OR6N1: variants seen among roughly 807,000 people sequenced by gnomAD.
OR6N1 encodes the protein olfactory receptor family 6 subfamily N member 1, also known as olfactory receptor 6N1.
For synonymous variants in OR6N1, 170 were observed against 150.7 expected (o/e 1.13, Z -0.94); for missense variants, 394 against 371.7 (o/e 1.06, Z -0.49).
At chr1:158,791,939 T>A in the OR6N1 span, among the ~76,000 whole-genome samples, 1 of 152,154 alleles carries the variant, frequency 6.6e-6, no homozygotes, top group Non-Finnish European at 1.5e-5. Flanking sequence ...TTAAGTCCAG[T>A]GTTTGTTTGT....
chr1:158,777,321 G>A, the OR6N1 span: 1 of 1,614,180 alleles, frequency 6.2e-7, no homozygotes, highest in Non-Finnish European at 8.5e-7. Flanking sequence ...CTCCCAAGGA[G>A]TGGAAGAAGT....
At chr1:158,769,901 C>T (rs6427448) in intron 1 of OR6N1, among the ~76,000 whole-genome samples, 45,106 of 151,984 alleles carry the variant, frequency 0.3, 7,220 homozygotes, top group African/African-American at 0.38. Context: ...ATCCACTGCC[C>T]AATTCTGCCT....
chr1:158,821,726 G>C, the OR6N1 span, among the ~76,000 whole-genome samples: 1 of 152,118 alleles, frequency 6.6e-6, no homozygotes, highest in Admixed American at 6.5e-5. Flanking sequence ...GCAATTATGA[G>C]TAAAGAGGCT....
At chr1:158,810,301 C>T in the OR6N1 span, among the ~76,000 whole-genome samples, 2 of 151,998 alleles carry the variant, frequency 1.3e-5, no homozygotes, top group African/African-American at 4.8e-5. Context: ...GGCCCCACTC[C>T]TGCCCATTAC....
chr1:158,776,739 T>C, upstream of OR6N1: 5 of 1,613,924 alleles, frequency 3.1e-6, no homozygotes, highest in Non-Finnish European at 4.2e-6. Flanking sequence ...TCTTGATAGC[T>C]TTAATGATTT....
Position 158,765,939 on chromosome 1 carries a change from A to G in OR6N1, c.744T>C (p.Val248=). Residue 248 remains valine, a synonymous_variant, in exon 2 of 2, where the codon GTT becomes GTC. Coordinates refer to ENST00000641846, the MANE Select transcript of OR6N1 (RefSeq NM_001005185.2). ...AAAGGATGCTCCCATAGAAGATGAGAACCACAGTGAAGTGGGAGGCACACG... is the reference window on the plus strand; with the variant it reads ...AAAGGATGCTCCCATAGAAGATGAGGACCACAGTGAAGTGGGAGGCACACG... ...ISTCASHFTV[V]LIFYGSILSM... is the part of the protein sequence containing the mutation. 1.9e-6 allele frequency: 3 copies of G among 1,614,150 alleles called. No individual in the cohort carries two copies. Among genetic ancestry groups the G allele is most frequent in the South Asian group, 2.2e-5 (2 of 91,086 alleles).
At chr1:158,777,025 G>A (rs12027473), upstream of OR6N1, 2,147 of 1,614,068 alleles carry the variant, frequency 1.3e-3, 45 homozygotes, top group East Asian at 0.044. Flanking sequence ...AATTATGAAA[G>A]CATTAATGGC....
the OR6N1 span, among the ~76,000 whole-genome samples, chr1:158,818,767 C>T: frequency 6.6e-6 from 1 of 152,190 alleles, no homozygotes; most frequent in African/African-American, 2.4e-5. Context: ...CCTATCCTTA[C>T]CCAGTCTAGA....
chr1:158,777,358 G>C, the OR6N1 span: 17 of 1,614,086 alleles, frequency 1.1e-5, no homozygotes, highest in East Asian at 2.5e-4. Flanking sequence ...TCCTGCAAAA[G>C]AAATGGTTTT....
the OR6N1 span, chr1:158,777,436 G>A: frequency 1.2e-6 from 2 of 1,614,216 alleles, no homozygotes; most frequent in South Asian, 2.2e-5. Flanking sequence ...CTCCAAGAAG[G>A]AAAGAACACT....
the OR6N1 span, among the ~76,000 whole-genome samples, chr1:158,797,763 T>C: frequency 2.0e-5 from 3 of 152,196 alleles, no homozygotes; most frequent in Admixed American, 1.3e-4. Context: ...CTAGTTTTAT[T>C]TATTTTGGAA....
At chr1:158,771,994 G>A (rs1657435301) in intron 1 of OR6N1, 27 bp downstream of exon 1, 1 of 152,210 alleles carries the variant, frequency 6.6e-6, no homozygotes, top group Admixed American at 6.5e-5. Flanking sequence ...ATGTGAAGAT[G>A]AAAATGCCTG....
chr1:158,835,471 G>A, the OR6N1 span, among the ~76,000 whole-genome samples: 1 of 151,968 alleles, frequency 6.6e-6, no homozygotes, highest in Non-Finnish European at 1.5e-5. Context: ...AACTTTGCTG[G>A]ATTTGTTTAT....
At chr1:158,832,827 G>T in the OR6N1 span, among the ~76,000 whole-genome samples, 1 of 151,888 alleles carries the variant, frequency 6.6e-6, no homozygotes, top group South Asian at 2.1e-4. Context: ...CATATGACTG[G>T]ATTTATTTTT....
At chr1:158,777,524 T>C in the OR6N1 span, 10 of 1,614,004 alleles carry the variant, frequency 6.2e-6, no homozygotes, top group Non-Finnish European at 8.5e-6. Flanking sequence ...CCACAGATGG[T>C]GAACAGGTAT....
the OR6N1 span, among the ~76,000 whole-genome samples, chr1:158,805,049 G>A: frequency 6.6e-6 from 1 of 152,152 alleles, no homozygotes; most frequent in Non-Finnish European, 1.5e-5. Flanking sequence ...ATTTATTGAA[G>A]CAAATAAACT....
upstream of OR6N1, among the ~76,000 whole-genome samples, chr1:158,773,036 T>TA (rs1184571392): frequency 2.6e-5 from 4 of 151,852 alleles, no homozygotes; most frequent in African/African-American, 4.8e-5. Flanking sequence ...TGTGATAATG[T>TA]AAAAAAAAGT....
At chr1:158,768,776 A>G (rs970661046) in intron 1 of OR6N1, among the ~76,000 whole-genome samples, 10 of 152,192 alleles carry the variant, frequency 6.6e-5, no homozygotes, top group Admixed American at 2.0e-4. Flanking sequence ...GGGCCACCCT[A>G]TATAACTGCA....
At chr1:158,777,890 C>T in the OR6N1 span, among the ~76,000 whole-genome samples, 1 of 152,132 alleles carries the variant, frequency 6.6e-6, no homozygotes, top group Admixed American at 6.5e-5. Context: ...GAGATAAGCA[C>T]CATTGTTCTG....
Sources: gnomAD v4.1 joint callset for allele counts (sites outside exome capture counted in the v4.1 genomes callset) on GRCh38, gnomAD v4.1.1 for gene constraint, MANE v1.5 for transcripts, NCBI Gene and HGNC (gene_info 2026-07-23, HGNC 2026-07-21) for gene names.